The following SCFD2 variants were observed in gnomAD, a reference collection of about 807,000 sequenced individuals.
The protein encoded by SCFD2 is sec1 family domain containing 2.
SCFD2 carries 54 observed loss-of-function variants against 58.9 expected under a neutral mutation model. The ratio of observed to expected loss-of-function variants is 0.92; its 90% confidence interval spans 0.74 to 1.15. The LOEUF (loss-of-function observed/expected upper bound fraction) is 1.15, where lower values mean the gene tolerates loss of function less well. SCFD2 is among the 50% of genes most tolerant of loss of function. SCFD2 has a pLI of 0.00. For synonymous variants in SCFD2, 321 were observed against 335.9 expected, an observed-to-expected ratio of 0.96 and a Z score of 0.49; for missense variants, 805 against 836.6, an observed-to-expected ratio of 0.96 and a Z score of 0.47.
chr4:53,091,645 A>G (rs1322731983), intron 5 of SCFD2, among the ~76,000 whole-genome samples: 1 of 152,150 alleles, frequency 6.6e-6, no homozygotes, highest in Non-Finnish European at 1.5e-5. Flanking sequence ...GTTCAAATTC[A>G]GAACACCTAA....
intron 5 of SCFD2, among the ~76,000 whole-genome samples, chr4:52,926,389 C>T: frequency 6.6e-6 from 1 of 151,752 alleles, no homozygotes; most frequent in Admixed American, 6.6e-5. Context: ...AATACACACA[C>T]AGACACACAC....
intron 5 of SCFD2, among the ~76,000 whole-genome samples, chr4:52,963,631 A>G (rs1176053305): frequency 1.3e-5 from 2 of 152,226 alleles, no homozygotes; most frequent in Non-Finnish European, 2.9e-5. Flanking sequence ...AAGTCTCTCC[A>G]TCAAATGAAC....
intron 4 of SCFD2, among the ~76,000 whole-genome samples, chr4:53,213,939 A>T (rs1392990642): frequency 2.0e-5 from 3 of 152,022 alleles, no homozygotes; most frequent in Non-Finnish European, 4.4e-5. Flanking sequence ...GTTTGCTGAG[A>T]ATGATGGTTT....
intron 5 of SCFD2, among the ~76,000 whole-genome samples, chr4:53,121,546 A>G (rs1451668986): frequency 6.6e-6 from 1 of 152,204 alleles, no homozygotes; most frequent in Non-Finnish European, 1.5e-5. Flanking sequence ...GCGTAGAAGG[A>G]TAGAGGCTGA....
chr4:52,885,850 G>T lies in SCFD2; in HGVS notation c.1859C>A (p.Pro620His), dbSNP rs763329668. The change falls in exon 8 of 9, where the codon CCT (proline) becomes CAT (histidine). Residue 620 changes from proline to histidine, a missense_variant. Transcript: ENST00000401642. The part of the protein sequence containing the change: ...SMFMKVSRPH[P>H]SDYPLLILFV... ...GAGGATCAGGAGGGGGTAGTCACTA[G>T]GATGAGGCCGGCTCACCTGCAAAAC... 3.1e-6 allele frequency: 5 copies of T among 1,614,126 alleles called. No homozygotes were observed. Among genetic ancestry groups the T allele is most frequent in the Non-Finnish European group, 4.2e-6 (5 of 1,179,972 alleles).
At chr4:53,135,471 C>T (rs1488224429) in intron 5 of SCFD2, among the ~76,000 whole-genome samples, 2 of 152,210 alleles carry the variant, frequency 1.3e-5, no homozygotes, top group Non-Finnish European at 2.9e-5. Context: ...CGTGGTGGCT[C>T]ACGCCTATAA....
At position 52,973,228 on chromosome 4, in the gene SCFD2, G is replaced by C. The variant is rs540778021; in HGVS notation, c.1562-52358C>G. Among the ~76,000 whole-genome samples, 20 of 152,210 alleles carry C rather than the reference G, an allele frequency of 1.3e-4. No individual in the cohort carries two copies. The East Asian group carries it at 2.7e-3, about 21-fold the overall frequency. ...CCTTCAAAAAAATCAATGAATCCAG[G>C]AGCTGGTTTTTTGAAAAGATCAACA... On this transcript the variant is annotated intron_variant, in intron 5 of 8. Transcript: ENST00000401642.
rs532721549 is a variant in SCFD2 at position 52,968,027 on chromosome 4, C to G, written c.1562-47157G>C. Among the ~76,000 whole-genome samples the G allele has an allele frequency of 2.0e-5, 3 of 152,126 alleles. No homozygotes were observed. The South Asian group carries it at 6.3e-4, about 32-fold the overall frequency. The stretch of plus-strand genomic sequence containing the variant: ...ACATTTTATTTTATCATCTGGAAGG[C>G]TGGCAACACATAATAATTCAATTCA... On this transcript the variant is annotated intron_variant, in intron 5 of 8. Coordinates refer to ENST00000401642, the MANE Select transcript of SCFD2 (RefSeq NM_152540.4).
At chr4:53,307,122 C>T (rs1732539807) in intron 3 of SCFD2, among the ~76,000 whole-genome samples, 1 of 152,160 alleles carries the variant, frequency 6.6e-6, no homozygotes, top group Non-Finnish European at 1.5e-5. Context: ...TCTCCAGAGG[C>T]ACAGATATAG....
chr4:53,068,085 A>T (rs932383483), intron 5 of SCFD2, among the ~76,000 whole-genome samples: 6 of 152,116 alleles, frequency 3.9e-5, no homozygotes, highest in Non-Finnish European at 8.8e-5. Flanking sequence ...TTAACATAAC[A>T]TGTTAACTGA....
intron 4 of SCFD2, among the ~76,000 whole-genome samples, chr4:53,243,202 A>G (rs1729955800): frequency 6.6e-6 from 1 of 152,216 alleles, no homozygotes; most frequent in South Asian, 2.1e-4. Context: ...GTCAAAATGA[A>G]AGACAAAATG....
chr4:53,217,919 T>C lies in SCFD2; in HGVS notation c.1311+55907A>G, dbSNP rs146839905. On this transcript the variant is annotated intron_variant, in intron 4 of 8. Transcript: ENST00000401642. ...ACTTATGAAGCTTAGTTTGGCTGGA[T>C]ATGAAATTCTGGGTTGAAAATCATT... 7.9e-3 allele frequency among the ~76,000 whole-genome samples: 1,208 copies of C among 152,340 alleles called. 6 individuals are homozygous for C. Among genetic ancestry groups the C allele is most frequent in the Non-Finnish European group, 0.012 (802 of 68,028 alleles).
chr4:52,880,705 C>T (rs1030442871), intron 8 of SCFD2, among the ~76,000 whole-genome samples: 6 of 152,194 alleles, frequency 3.9e-5, no homozygotes, highest in Admixed American at 2.6e-4. Flanking sequence ...GTGCGGCAAG[C>T]ACGTGCCTTG....
intron 4 of SCFD2, among the ~76,000 whole-genome samples, chr4:53,271,620 A>T (rs1170939090): frequency 6.6e-6 from 1 of 151,764 alleles, no homozygotes; most frequent in Non-Finnish European, 1.5e-5. Flanking sequence ...CCGCCACCAC[A>T]CCCAGCTAAT....
At chr4:52,884,046 C>G (rs1167098420) in intron 8 of SCFD2, among the ~76,000 whole-genome samples, 1 of 152,220 alleles carries the variant, frequency 6.6e-6, no homozygotes, top group Non-Finnish European at 1.5e-5. Context: ...CAGGCCAGTT[C>G]TCTTGGAGTC....
At chr4:53,053,777 T>C (rs777694185) in intron 5 of SCFD2, among the ~76,000 whole-genome samples, 1 of 152,196 alleles carries the variant, frequency 6.6e-6, no homozygotes, top group Non-Finnish European at 1.5e-5. Flanking sequence ...CTTCCCCTTG[T>C]TTCCCTTCTA....
At chr4:53,053,288 A>T (rs1723234563) in intron 5 of SCFD2, among the ~76,000 whole-genome samples, 1 of 151,966 alleles carries the variant, frequency 6.6e-6, no homozygotes, top group Admixed American at 6.6e-5. Context: ...GGTTACCTCC[A>T]GGGGGACTGA....
intron 5 of SCFD2, among the ~76,000 whole-genome samples, chr4:53,011,679 C>T (rs750912458): frequency 1.3e-5 from 2 of 152,208 alleles, no homozygotes; most frequent in Non-Finnish European, 2.9e-5. Context: ...ACCAGCTGCA[C>T]TTCTAAACTG....
At chr4:53,327,702 T>A (rs554326314) in intron 2 of SCFD2, among the ~76,000 whole-genome samples, 216 of 152,258 alleles carry the variant, frequency 1.4e-3, no homozygotes, top group Non-Finnish European at 2.1e-3. Flanking sequence ...GTAAATCTAC[T>A]GAGGGATAAG....
Sources: allele counts gnomAD v4.1 joint callset (sites outside exome capture counted in the v4.1 genomes callset), GRCh38; gene constraint gnomAD v4.1.1; transcripts MANE v1.5; gene names NCBI Gene and HGNC (gene_info 2026-07-23, HGNC 2026-07-21).